The following MTA3 variants were observed in gnomAD, a reference collection of about 807,000 sequenced individuals.
The protein encoded by MTA3 is metastasis associated 1 family member 3, also known as metastasis-associated protein MTA3.
A neutral mutation model predicts 83.5 loss-of-function variants in MTA3; 34 were observed. That is an observed-to-expected ratio of 0.41 (90% CI 0.31 to 0.54). The LOEUF (loss-of-function observed/expected upper bound fraction) is 0.54, where lower values mean the gene tolerates loss of function less well. Among genes scored for constraint, MTA3 ranks in the 20% least tolerant of loss-of-function variants. The pLI, the probability that MTA3 is intolerant of heterozygous loss-of-function variation, is 0.33. For synonymous variants in MTA3, 303 were observed against 252.7 expected (o/e 1.20, Z -1.89); for missense variants, 761 against 726.4 (o/e 1.05, Z -0.55).
intron 11 of MTA3, among the ~76,000 whole-genome samples, chr2:42,699,604 G>A (rs541663491): frequency 2.0e-5 from 3 of 152,146 alleles, no homozygotes; most frequent in Non-Finnish European, 2.9e-5. Context: ...TCTGGAAATG[G>A]CGTGATATTT....
chr2:42,712,302 A>T (rs989391752), intron 14 of MTA3, among the ~76,000 whole-genome samples: 3 of 148,624 alleles, frequency 2.0e-5, no homozygotes, highest in Non-Finnish European at 4.5e-5. Context: ...ATATATAGGA[A>T]TTTTTTTTTT....
At chr2:42,508,830 TATA>T (rs898279367) in intron 2 of MTA3, among the ~76,000 whole-genome samples, 4 of 146,916 alleles carry the variant, frequency 2.7e-5, no homozygotes, top group African/African-American at 9.9e-5. Context: ...ATATATGATA[TATA>T]ATATTAAATA....
At chr2:42,731,469 G>A (rs551528142) in intron 16 of MTA3, among the ~76,000 whole-genome samples, 66 of 152,276 alleles carry the variant, frequency 4.3e-4, no homozygotes, top group African/African-American at 1.6e-3. Flanking sequence ...TTTACATGGT[G>A]GCAGCAAGAG....
intron 2 of MTA3, among the ~76,000 whole-genome samples, chr2:42,537,893 G>C (rs1207518296): frequency 6.6e-6 from 1 of 152,096 alleles, no homozygotes. Flanking sequence ...GGAGTATCAT[G>C]ATATCTGTAC....
intron 11 of MTA3, among the ~76,000 whole-genome samples, chr2:42,698,076 C>G (rs1693547860): frequency 6.6e-6 from 1 of 152,132 alleles, no homozygotes; most frequent in Non-Finnish European, 1.5e-5. Flanking sequence ...TAAATCAAAG[C>G]TGCAGGGAAA....
chr2:42,616,587 T>C (rs1684924651), intron 4 of MTA3, among the ~76,000 whole-genome samples: 1 of 133,338 alleles, frequency 7.5e-6, no homozygotes, highest in African/African-American at 2.8e-5. Flanking sequence ...TTTTTTTTTT[T>C]TTTTTTTTTG....
chr2:42,660,077 G>GTT (rs113008417), intron 8 of MTA3, among the ~76,000 whole-genome samples: 7 of 143,864 alleles, frequency 4.9e-5, no homozygotes, highest in Admixed American at 7.0e-5. Flanking sequence ...AAGAGGGGCT[G>GTT]TTTTTTTTTT....
At position 42,697,848 on chromosome 2, in the gene MTA3, A is replaced by C. The variant is rs148460803; in HGVS notation, c.1025+14A>C. 25 of 1,477,944 alleles carry C rather than the reference A, an allele frequency of 1.7e-5. No individual in the cohort carries two copies. The African/African-American group carries it at 2.6e-4, about 15-fold the overall frequency. The allele number at this position is 1,477,944 out of a possible 1,614,324, so 91.6% of individuals were successfully genotyped here. A position where few individuals can be genotyped will look rare whatever the true frequency, so the allele number is the denominator to read the frequency against. On this transcript the variant is annotated intron_variant, in intron 11 of 16. Transcript: ENST00000405094. ...TATCCCAACCTAGTAAGTAATTGAAATCTTTTAAAATATTTGTTTTGGTCT... is the reference window on the plus strand; with the variant it reads ...TATCCCAACCTAGTAAGTAATTGAACTCTTTTAAAATATTTGTTTTGGTCT...
At chr2:42,573,328 G>A (rs74793558) in intron 2 of MTA3, among the ~76,000 whole-genome samples, 2,124 of 152,188 alleles carry the variant, frequency 0.014, 19 homozygotes, top group Middle Eastern at 0.027. Flanking sequence ...ATATCCCAGG[G>A]AATTTGCATT....
At chr2:42,616,625 C>T (rs111510719) in intron 4 of MTA3, among the ~76,000 whole-genome samples, 1,675 of 117,792 alleles carry the variant, frequency 0.014, 44 homozygotes, top group African/African-American at 0.053. Context: ...GTCACCCAGG[C>T]TGGAATGTAG....
At chr2:42,523,713 G>C (rs964602501) in intron 2 of MTA3, among the ~76,000 whole-genome samples, 1 of 152,130 alleles carries the variant, frequency 6.6e-6, no homozygotes, top group African/African-American at 2.4e-5. Context: ...AGGAGTTTCA[G>C]ACCAGTTTGG....
chr2:42,593,337 C>G (rs1026502690), intron 3 of MTA3, among the ~76,000 whole-genome samples: 2 of 74,532 alleles, frequency 2.7e-5, no homozygotes, highest in Non-Finnish European at 5.1e-5. Context: ...GGTGACAGAG[C>G]GAGACTCTGT....
intron 3 of MTA3, among the ~76,000 whole-genome samples, chr2:42,584,165 C>G (rs1442674977): frequency 1.3e-5 from 2 of 151,934 alleles, no homozygotes; most frequent in African/African-American, 2.4e-5. Context: ...AAAAAACAAA[C>G]TTTTTATTAC....
In MTA3 at chr2:42,514,682, C is replaced by CTTTTTTTTTTTTTT. The variant is rs767598363; in HGVS notation, c.-141+19440_-141+19453dup. Among the ~76,000 whole-genome samples the CTTTTTTTTTTTTTT allele has an allele frequency of 3.1e-3, 168 of 53,484 alleles. 35 individuals are homozygous for CTTTTTTTTTTTTTT. The highest frequency in any genetic ancestry group is 6.3e-3 in the African/African-American group (74 of 11,832). 35.1% of individuals were successfully genotyped at this position (53,484 alleles called of 152,430 possible). A position where few individuals can be genotyped will look rare whatever the true frequency, so the allele number is the denominator to read the frequency against. Reference sequence around the variant, plus strand: ...GATTACAGGCATGAGCGCCCAGCCCCTTTTTTTTTTTTTTTTTTTTTTTTT... The same window carrying CTTTTTTTTTTTTTT: ...GATTACAGGCATGAGCGCCCAGCCCCTTTTTTTTTTTTTTTTTTTTTTTTTTTTTTTTTTTTTTT... On this transcript the variant is annotated intron_variant, in intron 2 of 17. Coordinates refer to the MTA3 transcript ENST00000405592.
intron 4 of MTA3, among the ~76,000 whole-genome samples, chr2:42,623,241 C>A (rs1573348419): frequency 6.6e-6 from 1 of 152,192 alleles, no homozygotes; most frequent in Admixed American, 6.5e-5. Flanking sequence ...TGGATCCTGG[C>A]GTGTGCCTTG....
At chr2:42,515,985 C>T (rs892073117) in intron 2 of MTA3, among the ~76,000 whole-genome samples, 6 of 151,688 alleles carry the variant, frequency 4.0e-5, no homozygotes, top group Admixed American at 6.6e-5. Flanking sequence ...GGACTACAGG[C>T]GCCTGCCACC....
At chr2:42,583,457 A>C (rs1679895610) in intron 3 of MTA3, among the ~76,000 whole-genome samples, 1 of 152,116 alleles carries the variant, frequency 6.6e-6, no homozygotes, top group Non-Finnish European at 1.5e-5. Flanking sequence ...TGAGTTCAAA[A>C]CTGGAGTCCT....
chr2:42,546,715 T>C (rs777455022), intron 2 of MTA3, among the ~76,000 whole-genome samples: 11 of 152,174 alleles, frequency 7.2e-5, no homozygotes, highest in Non-Finnish European at 1.2e-4. Context: ...TTTAGAGGCA[T>C]TTCCTGGTTT....
At chr2:42,746,375 G>A (rs2104594652) in intron 16 of MTA3, among the ~76,000 whole-genome samples, 1 of 152,252 alleles carries the variant, frequency 6.6e-6, no homozygotes, top group Non-Finnish European at 1.5e-5. Flanking sequence ...TTCTCTCACT[G>A]AACAACAATC....
Sources: allele counts gnomAD v4.1 joint callset (sites outside exome capture counted in the v4.1 genomes callset), GRCh38; gene constraint gnomAD v4.1.1; transcripts MANE v1.5; gene names NCBI Gene and HGNC (gene_info 2026-07-23, HGNC 2026-07-21).